ZCCHC14: variants seen among roughly 807,000 people sequenced by gnomAD.
The protein encoded by ZCCHC14 is zinc finger CCHC domain-containing protein 14.
Under a neutral mutation model 85.0 loss-of-function variants are expected in ZCCHC14, and 16 were observed. That is an observed-to-expected ratio of 0.19 (90% CI 0.13 to 0.29). ZCCHC14 has a LOEUF of 0.29. Among genes scored for constraint, ZCCHC14 ranks in the 10% least tolerant of loss-of-function variants. ZCCHC14 has a pLI of 1.00. For synonymous variants in ZCCHC14, 775 were observed against 630.7 expected (o/e 1.23, Z -3.43); for missense variants, 1,303 against 1,443.5 (o/e 0.90, Z 1.58).
intron 1 of ZCCHC14, among the ~76,000 whole-genome samples, chr16:87,479,147 T>C (rs1488232591): frequency 6.6e-6 from 1 of 152,108 alleles, no homozygotes; most frequent in African/African-American, 2.4e-5. Context: ...CTGGGCGTGG[T>C]GGCTCACACC....
intron 2 of ZCCHC14, among the ~76,000 whole-genome samples, chr16:87,450,102 G>A (rs1001006158): frequency 3.3e-5 from 5 of 152,166 alleles, no homozygotes. Context: ...CCTTCTTCTA[G>A]GTCATATACA....
At chr16:87,437,673 A>T (rs960922464) in intron 2 of ZCCHC14, among the ~76,000 whole-genome samples, 5 of 152,246 alleles carry the variant, frequency 3.3e-5, no homozygotes, top group African/African-American at 1.2e-4. Flanking sequence ...TCCCTTTGAA[A>T]TGTTTGTCTG....
chr16:87,428,281 G>T (rs889685544), intron 3 of ZCCHC14, among the ~76,000 whole-genome samples: 8 of 152,088 alleles, frequency 5.3e-5, no homozygotes, highest in Admixed American at 4.6e-4. Flanking sequence ...AAATCAGTGG[G>T]GCAGGGAGAA....
Position 87,412,762 on chromosome 16 carries a change from C to T in ZCCHC14, c.1959G>A (p.Pro653=), listed in dbSNP as rs2241615. The change falls in exon 12 of 13, where the codon CCG becomes CCA. Residue 653 remains proline (P), a synonymous_variant. Transcript: ENST00000671377. ...PIRMLNSVHK[P]ERGSADMKLL... is the part of the protein sequence containing the mutation. ...GCTTCATGTCCGCGCTCCCTCTTTCCGGCTTGTGCACGGAATTCAGCATGC... is the reference window on the plus strand; with the variant it reads ...GCTTCATGTCCGCGCTCCCTCTTTCTGGCTTGTGCACGGAATTCAGCATGC... 0.13 allele frequency: 208,922 copies of T among 1,613,966 alleles called. 16,638 individuals carry two copies. Among genetic ancestry groups the T allele is most frequent in the East Asian group, 0.42 (18,847 of 44,862 alleles).
At chr16:87,428,679 G>A (rs1019652338) in intron 3 of ZCCHC14, among the ~76,000 whole-genome samples, 1 of 152,234 alleles carries the variant, frequency 6.6e-6, no homozygotes, top group African/African-American at 2.4e-5. Flanking sequence ...CATCACCCCT[G>A]AGGTGTCCTC....
rs1908532715 is a variant in ZCCHC14 at position 87,412,669 on chromosome 16, G to A, written c.2052C>T (p.Ser684=). ...EERNKGSGPR[S]SMKVDKSFGS... is the part of the protein sequence containing the mutation. ...CAAAGCTCTTGTCCACTTTCATGCT[G>A]CTTCTTGGTCCAGATCCTTTATTCC... The change falls in exon 12 of 13, where the codon AGC becomes AGT. Residue 684 remains serine (S), a synonymous_variant. Coordinates refer to ENST00000671377, the MANE Select transcript of ZCCHC14 (RefSeq NM_015144.3). 2 of 1,614,106 alleles carry A rather than the reference G, an allele frequency of 1.2e-6. No individual in the cohort carries two copies. The highest frequency in any genetic ancestry group is 1.3e-5 in the African/African-American group (1 of 74,950).
intron 1 of ZCCHC14, among the ~76,000 whole-genome samples, chr16:87,476,888 A>T (rs1031693566): frequency 2.6e-5 from 4 of 151,984 alleles, no homozygotes; most frequent in Non-Finnish European, 5.9e-5. Flanking sequence ...GCACTTTGGA[A>T]GGCTGAGGAG....
chr16:87,433,031 C>T, intron 3 of ZCCHC14, 97 bp downstream of exon 3: 6 of 1,314,406 alleles, frequency 4.6e-6, no homozygotes, highest in Non-Finnish European at 6.4e-6. Flanking sequence ...GGGCTTTGCA[C>T]AAGGCACAGC....
chr16:87,419,800 T>C lies in ZCCHC14; in HGVS notation c.1028A>G (p.Gln343Arg). The stretch of plus-strand genomic sequence containing the variant: ...AAACTCACTTGGACTCTGAAGCTGC[T>C]GTGGGGGAGAGGAAGTGCTGAGAAA... ...RRFLSTSSPP[Q>R]QLQSPSPGNP... is the part of the protein sequence containing the mutation. Residue 343 changes from glutamine (Q) to arginine (R), a missense_variant, in exon 6 of 13, where the codon CAG (glutamine) becomes CGG (arginine). By Grantham distance (43) the Gln-to-Arg change is conservative. Transcript: ENST00000671377. 3.1e-6 allele frequency: 5 copies of C among 1,609,260 alleles called. No individual in the cohort carries two copies. Among genetic ancestry groups the C allele is most frequent in the Non-Finnish European group, 4.2e-6 (5 of 1,178,342 alleles).
chr16:87,455,545 C>T (rs1910915414), intron 2 of ZCCHC14, among the ~76,000 whole-genome samples: 1 of 152,196 alleles, frequency 6.6e-6, no homozygotes, highest in Admixed American at 6.5e-5. Context: ...CGATGAAGAA[C>T]TTGACTCCTC....
intron 1 of ZCCHC14, among the ~76,000 whole-genome samples, chr16:87,489,493 G>C (rs1490078988): frequency 6.6e-6 from 1 of 152,190 alleles, no homozygotes; most frequent in Non-Finnish European, 1.5e-5. Context: ...AGGCCATAGA[G>C]GAGAAAGCAG....
At chr16:87,489,080 T>C (rs1215066412) in intron 1 of ZCCHC14, among the ~76,000 whole-genome samples, 2 of 152,198 alleles carry the variant, frequency 1.3e-5, no homozygotes, top group Non-Finnish European at 2.9e-5. Context: ...GCAAAATACT[T>C]AAATGCTAGA....
intron 1 of ZCCHC14, among the ~76,000 whole-genome samples, chr16:87,489,279 T>G (rs970557310): frequency 4.6e-5 from 7 of 152,190 alleles, no homozygotes; most frequent in Non-Finnish European, 8.8e-5. Flanking sequence ...AGGTTACTCC[T>G]TATAATAATC....
intron 2 of ZCCHC14, among the ~76,000 whole-genome samples, chr16:87,434,685 G>A (rs150356925): frequency 3.9e-5 from 6 of 152,296 alleles, no homozygotes; most frequent in East Asian, 3.9e-4. Flanking sequence ...TCAAAAAACC[G>A]TATGGCCAAA....
chr16:87,445,924 T>C (rs1006538174), intron 2 of ZCCHC14, among the ~76,000 whole-genome samples: 1 of 152,240 alleles, frequency 6.6e-6, no homozygotes, highest in Non-Finnish European at 1.5e-5. Context: ...CCTATTTTTC[T>C]AGGTCCTATC....
At position 87,481,638 on chromosome 16, in the gene ZCCHC14, C is replaced by T. The variant is rs578228665; in HGVS notation, c.570+10031G>A. On this transcript the variant is annotated intron_variant, in intron 1 of 12. Coordinates refer to ENST00000671377, the MANE Select transcript of ZCCHC14 (RefSeq NM_015144.3). ...GGGAGACCCTGAGGGAACACTGAACCGGGGCTGTAACGGTGTCACTGGAGA... is the reference window on the plus strand; with the variant it reads ...GGGAGACCCTGAGGGAACACTGAACTGGGGCTGTAACGGTGTCACTGGAGA... 1.6e-4 allele frequency among the ~76,000 whole-genome samples: 24 copies of T among 147,820 alleles called. No homozygotes were observed. In the South Asian group the frequency reaches 5.0e-3, roughly 31 times the overall value.
intron 1 of ZCCHC14, among the ~76,000 whole-genome samples, chr16:87,469,474 G>A (rs553646793): frequency 4.4e-4 from 67 of 152,232 alleles, no homozygotes; most frequent in Non-Finnish European, 8.1e-4. Flanking sequence ...GCGGAGCACA[G>A]CGGTCAGGAG....
At position 87,465,821 on chromosome 16, in the gene ZCCHC14, C is replaced by G. The variant is rs1038922949; in HGVS notation, c.571-5690G>C. Among the ~76,000 whole-genome samples, 28 of 152,004 alleles carry G rather than the reference C, an allele frequency of 1.8e-4. 1 individual carries two copies. The highest frequency in any genetic ancestry group is 5.9e-5 in the Non-Finnish European group (4 of 67,954). On this transcript the variant is annotated intron_variant, in intron 1 of 12. Coordinates refer to ENST00000671377, the MANE Select transcript of ZCCHC14 (RefSeq NM_015144.3). ...ACAGTCAAAGGCTCAACAGCCTCCTCTTATTTTTTTATTAAAAAAAAATAA... is the reference window on the plus strand; with the variant it reads ...ACAGTCAAAGGCTCAACAGCCTCCTGTTATTTTTTTATTAAAAAAAAATAA...
Position 87,420,545 on chromosome 16 carries a change from A to C in ZCCHC14, c.950+62T>G. On this transcript the variant is annotated intron_variant, in intron 5 of 12. Coordinates refer to ENST00000671377, the MANE Select transcript of ZCCHC14 (RefSeq NM_015144.3). This position sits in a 1 kb window ranked among gnomAD's most constrained non-coding sequence, Gnocchi z 5.0. ...AGCTCCTTGGAGGACCACAGCATTG[A>C]CCACAGGACCAGCCTGTCCTTGCCA... 7.2e-7 allele frequency: 1 copy of C among 1,394,048 alleles called. No individual in the cohort carries two copies. Among genetic ancestry groups the C allele is most frequent in the Non-Finnish European group, 9.9e-7 (1 of 1,011,252 alleles). The allele number at this position is 1,394,048 out of a possible 1,614,324, so 86.4% of individuals were successfully genotyped here.
Sources: allele counts gnomAD v4.1 joint callset (sites outside exome capture counted in the v4.1 genomes callset), GRCh38; gene constraint gnomAD v4.1.1; non-coding constraint Gnocchi (gnomAD v3.1); transcripts MANE v1.5; gene names NCBI Gene and HGNC (gene_info 2026-07-23, HGNC 2026-07-21).